The following ZYG11B variants were observed in gnomAD, a reference collection of about 807,000 sequenced individuals.
ZYG11B encodes the protein zyg-11 family member B, cell cycle regulator.
A neutral mutation model predicts 82.4 loss-of-function variants in ZYG11B; 36 were observed. The ratio of observed to expected loss-of-function variants is 0.44; its 90% CI spans 0.33 to 0.58. The LOEUF (loss-of-function observed/expected upper bound fraction) is 0.58. Among genes scored for constraint, ZYG11B ranks in the 20% least tolerant of loss-of-function variants. The pLI, the probability that ZYG11B is intolerant of heterozygous loss-of-function variation, is 0.02. For missense variants in ZYG11B, 552 were observed against 895.6 expected (o/e 0.62, Z 4.90); for synonymous variants, 303 against 312.8 (o/e 0.97, Z 0.33).
intron 2 of ZYG11B, among the ~76,000 whole-genome samples, chr1:52,761,487 T>G (rs1235740031): frequency 6.6e-6 from 1 of 152,230 alleles, no homozygotes; most frequent in Non-Finnish European, 1.5e-5. Context: ...GTCCTCCAGT[T>G]TCATTCATTT....
At chr1:52,765,681 G>A (rs1644677139) in intron 2 of ZYG11B, among the ~76,000 whole-genome samples, 1 of 151,834 alleles carries the variant, frequency 6.6e-6, no homozygotes. Flanking sequence ...AAAATTTTTT[G>A]TTGTTGGGAT....
chr1:52,803,219 TATATAC>T (rs1645105148), intron 10 of ZYG11B, among the ~76,000 whole-genome samples: 1 of 85,174 alleles, frequency 1.2e-5, no homozygotes, highest in South Asian at 3.2e-4. Context: ...CACATATATA[TATATAC>T]ACACATATAT....
intron 3 of ZYG11B, chr1:52,772,712 C>G (rs1233789712): frequency 1.5e-6 from 1 of 683,854 alleles, no homozygotes; most frequent in African/African-American, 1.8e-5. Context: ...GAGTCTTGCT[C>G]TGTCGCCCAG....
At chr1:52,797,402 A>C (rs1645031443) in intron 8 of ZYG11B, among the ~76,000 whole-genome samples, 1 of 71,272 alleles carries the variant, frequency 1.4e-5, no homozygotes, top group Non-Finnish European at 2.5e-5. Context: ...ATCATATATG[A>C]AATATATATC....
At chr1:52,800,113 T>TAA (rs1160751586) in intron 8 of ZYG11B, among the ~76,000 whole-genome samples, 1 of 143,016 alleles carries the variant, frequency 7.0e-6, no homozygotes, top group African/African-American at 2.6e-5. Context: ...CTGGCTCTAA[T>TAA]AAAAAAAAAA....
intron 7 of ZYG11B, 25 bp downstream of exon 7, chr1:52,796,416 T>G (rs1248219379): frequency 6.3e-7 from 1 of 1,578,728 alleles, no homozygotes; most frequent in Non-Finnish European, 8.7e-7. Context: ...GCTGAATAAT[T>G]TTCTGTAGAC....
intron 1 of ZYG11B, among the ~76,000 whole-genome samples, chr1:52,740,419 G>T (rs1451300119): frequency 6.6e-6 from 1 of 152,076 alleles, no homozygotes; most frequent in Non-Finnish European, 1.5e-5. Context: ...TTTTCAATTT[G>T]TCATCTAGGA....
In ZYG11B at chr1:52,732,502, G is replaced by A. The variant is rs375633804; in HGVS notation, c.30+5819G>A. On this transcript the variant is annotated intron_variant, in intron 1 of 13. Transcript: ENST00000294353. ...TGGCCGGGTGTGGTGGCTCACGCCT[G>A]TAATCCCAGCACTTTGGGAGGCCAA... Among the ~76,000 whole-genome samples the A allele has an allele frequency of 1.4e-4, 21 of 152,324 alleles. No individual in the cohort carries two copies. The South Asian group carries it at 4.4e-3, about 32-fold the overall frequency.
chr1:52,798,446 A>C (rs925221227), intron 8 of ZYG11B, among the ~76,000 whole-genome samples: 4 of 152,060 alleles, frequency 2.6e-5, no homozygotes, highest in African/African-American at 9.7e-5. Context: ...CCCCATCTAT[A>C]CAAATAATTT....
At position 52,796,334 on chromosome 1, in the gene ZYG11B, T is replaced by C. The variant is rs148633649; in HGVS notation, c.1377T>C (p.His459=). The part of the protein sequence containing the change: ...AKLVMQWLCN[H]EDQNMQRMAV... Reference sequence around the variant, plus strand: ...TTGTCATGCAGTGGCTTTGCAACCATGAGGATCAAAACATGCAAAGGATGG... The same window carrying C: ...TTGTCATGCAGTGGCTTTGCAACCACGAGGATCAAAACATGCAAAGGATGG... Residue 459 remains histidine (H), a synonymous_variant, in exon 7 of 14, where the codon CAT becomes CAC. Transcript: ENST00000294353. The C allele has an allele frequency of 4.3e-6, 7 of 1,613,986 alleles. No homozygotes were observed. The African/African-American group carries it at 9.3e-5, about 22-fold the overall frequency.
chr1:52,774,054 G>A (rs1000197254), intron 3 of ZYG11B, among the ~76,000 whole-genome samples: 2 of 152,014 alleles, frequency 1.3e-5, no homozygotes, highest in Admixed American at 6.6e-5. Flanking sequence ...TAGGAAGAGA[G>A]GTGAGACCCA....
In ZYG11B at chr1:52,825,541, G is replaced by A. The variant is rs1645317488; in HGVS notation, c.*3912G>A. On this transcript the variant is annotated 3_prime_UTR_variant, in exon 14 of 14. Coordinates refer to ENST00000294353, the MANE Select transcript of ZYG11B (RefSeq NM_024646.3). The stretch of plus-strand genomic sequence containing the variant: ...CATTTGCAAACTTCTACATAATCAA[G>A]TTTTATGTTTAAAACCATCGGTTCT... The A allele has an allele frequency of 6.6e-6, 1 of 150,748 alleles. No homozygotes were observed. Among genetic ancestry groups the A allele is most frequent in the Admixed American group, 6.7e-5 (1 of 14,996 alleles). The allele number at this position is 150,748 out of a possible 1,614,324, so 9.3% of individuals were successfully genotyped here.
intron 13 of ZYG11B, among the ~76,000 whole-genome samples, chr1:52,819,144 C>G (rs555031357): frequency 7.5e-4 from 114 of 152,268 alleles, no homozygotes; most frequent in African/African-American, 2.6e-3. Flanking sequence ...AAAAGCTCTT[C>G]TGTGTCAGAT....
intron 1 of ZYG11B, among the ~76,000 whole-genome samples, chr1:52,732,801 C>A (rs1048335984): frequency 6.6e-5 from 10 of 151,850 alleles, no homozygotes; most frequent in South Asian, 4.2e-4. Context: ...TGGTGAAACC[C>A]TGTCTCTACT....
intron 1 of ZYG11B, 73 bp downstream of exon 1, chr1:52,726,756 G>C: frequency 7.3e-7 from 1 of 1,372,694 alleles, no homozygotes; most frequent in Non-Finnish European, 9.4e-7. Flanking sequence ...TGGCCCCTGC[G>C]GTCTTGCCCC....
chr1:52,744,046 C>T (rs981256425), intron 1 of ZYG11B, among the ~76,000 whole-genome samples: 1 of 152,096 alleles, frequency 6.6e-6, no homozygotes, highest in Non-Finnish European at 1.5e-5. Flanking sequence ...AAGCGATTCT[C>T]CTGCCTCAGC....
At chr1:52,800,219 C>T (rs376930897) in intron 8 of ZYG11B, among the ~76,000 whole-genome samples, 9 of 147,076 alleles carry the variant, frequency 6.1e-5, no homozygotes, top group African/African-American at 2.0e-4. Flanking sequence ...AAGTCTACAG[C>T]GAACTATAAT....
At position 52,823,558 on chromosome 1, in the gene ZYG11B, A is replaced by G. The variant is rs1645301654; in HGVS notation, c.*1929A>G. The G allele has an allele frequency of 6.6e-6, 1 of 151,624 alleles. No individual in the cohort carries two copies. 9.4% of individuals were successfully genotyped at this position (151,624 alleles called of 1,614,324 possible). Reference sequence around the variant, plus strand: ...TTCCTTTTTCGAATGTTAATGTCTAAGACAAAGTTCAGAAAACGAGATGGC... The same window carrying G: ...TTCCTTTTTCGAATGTTAATGTCTAGGACAAAGTTCAGAAAACGAGATGGC... On this transcript the variant is annotated 3_prime_UTR_variant, in exon 14 of 14. Coordinates refer to ENST00000294353, the MANE Select transcript of ZYG11B (RefSeq NM_024646.3).
Position 52,822,484 on chromosome 1 carries a change from T to G in ZYG11B, c.*855T>G, listed in dbSNP as rs1055119752. On this transcript the variant is annotated 3_prime_UTR_variant, in exon 14 of 14. Coordinates refer to ENST00000294353, the MANE Select transcript of ZYG11B (RefSeq NM_024646.3). ...TTGTGAAAATGTGATTTTAAAAAAT[T>G]ATCGCCAGTTAAAACTGGCTATTCT... 5.3e-5 allele frequency: 8 copies of G among 152,248 alleles called. No individual in the cohort carries two copies. Among genetic ancestry groups the G allele is most frequent in the African/African-American group, 1.9e-4 (8 of 41,472 alleles). 9.4% of individuals were successfully genotyped at this position (152,248 alleles called of 1,614,324 possible).
Sources: gnomAD v4.1 joint callset for allele counts (sites outside exome capture counted in the v4.1 genomes callset) on GRCh38, gnomAD v4.1.1 for gene constraint, MANE v1.5 for transcripts, NCBI Gene and HGNC (gene_info 2026-07-23, HGNC 2026-07-21) for gene names.